The following MMD2 variants were observed in gnomAD, a reference collection of about 807,000 sequenced individuals.
MMD2 encodes the protein monocyte to macrophage differentiation factor 2.
Under a neutral mutation model 33.5 loss-of-function variants are expected in MMD2, and 30 were observed. The observed-to-expected ratio is 0.90, with a 90% CI of 0.67 to 1.22. MMD2 has a LOEUF of 1.22. Ranked by LOEUF, MMD2 falls within the 50% of genes most tolerant of loss-of-function variation. MMD2 has a pLI of 0.00. For synonymous variants in MMD2, 129 were observed against 123.0 expected, an observed-to-expected ratio of 1.05 and a Z score of -0.32; for missense variants, 364 against 325.4, an observed-to-expected ratio of 1.12 and a Z score of -0.91.
intron 1 of MMD2, among the ~76,000 whole-genome samples, chr7:4,944,760 C>CTTCTTTTTTT (rs753515128): frequency 1.3e-5 from 1 of 75,276 alleles, no homozygotes; most frequent in African/African-American, 5.8e-5. Context: ...TCTTCTTCTT[C>CTTCTTTTTTT]TTTTTTTTTT....
At chr7:4,947,517 C>T (rs1479193678) in intron 1 of MMD2, among the ~76,000 whole-genome samples, 5 of 150,894 alleles carry the variant, frequency 3.3e-5, no homozygotes, top group African/African-American at 7.3e-5. Context: ...CCTCAGCCTC[C>T]CGAGTATCTG....
intron 1 of MMD2, among the ~76,000 whole-genome samples, chr7:4,952,301 G>C (rs1165883079): frequency 1.3e-5 from 2 of 152,228 alleles, no homozygotes; most frequent in Non-Finnish European, 2.9e-5. Flanking sequence ...GGAAGGGTGG[G>C]CTGTGCCTGG....
chr7:4,920,978 A>AAGGATTGGGATTATAGGCGTG (rs1452234045), intron 2 of MMD2, among the ~76,000 whole-genome samples: 1 of 152,088 alleles, frequency 6.6e-6, no homozygotes, highest in Non-Finnish European at 1.5e-5. Context: ...TTGGCCTCCA[A>AAGGATTGGGATTATAGGCGTG]AGGATTGGGA....
At chr7:4,924,214 T>TAACAAC (rs373078646) in intron 2 of MMD2, among the ~76,000 whole-genome samples, 1 of 151,502 alleles carries the variant, frequency 6.6e-6, no homozygotes, top group Non-Finnish European at 1.5e-5. Flanking sequence ...AACAAAACAA[T>TAACAAC]AACAACAACA....
At position 4,914,047 on chromosome 7, in the gene MMD2, A is replaced by G. The variant is rs1583360409; in HGVS notation, c.365+1958T>C. Among the ~76,000 whole-genome samples, 4 of 152,256 alleles carry G rather than the reference A, an allele frequency of 2.6e-5. No homozygotes were observed. The South Asian group carries it at 8.3e-4, about 32-fold the overall frequency. ...CTCTCCCAGGCTGGAGTGCAGTGGCACAATCATAGCTCACTGCAGCCTTGA... is the reference window on the plus strand; with the variant it reads ...CTCTCCCAGGCTGGAGTGCAGTGGCGCAATCATAGCTCACTGCAGCCTTGA... On this transcript the variant is annotated intron_variant, in intron 4 of 6. Coordinates refer to ENST00000401401, the MANE Select transcript of MMD2 (RefSeq NM_198403.4).
intron 3 of MMD2, among the ~76,000 whole-genome samples, chr7:4,918,961 A>T: frequency 6.6e-6 from 1 of 151,614 alleles, no homozygotes; most frequent in Non-Finnish European, 1.5e-5. Flanking sequence ...TAGCTAGATG[A>T]GGTGGTGCAT....
chr7:4,896,681 C>T, the MMD2 span, among the ~76,000 whole-genome samples: 7 of 151,996 alleles, frequency 4.6e-5, no homozygotes, highest in South Asian at 2.1e-4. Context: ...GACTATTGTT[C>T]GAAGCCACTA....
chr7:4,926,654 C>T (rs1008392335), intron 1 of MMD2, among the ~76,000 whole-genome samples: 2 of 152,158 alleles, frequency 1.3e-5, no homozygotes, highest in Non-Finnish European at 2.9e-5. Context: ...CCGCAGAACA[C>T]GCTGTTTTCT....
At position 4,911,202 on chromosome 7, in the gene MMD2, C is replaced by G; in HGVS notation, c.410G>C (p.Trp137Ser). Residue 137 changes from tryptophan to serine, a missense_variant, in exon 5 of 7, where the codon TGG (tryptophan) becomes TCG (serine). Coordinates refer to ENST00000401401, the MANE Select transcript of MMD2 (RefSeq NM_198403.4). ...ELGPWASHMRWLVWIMASVGT... is the reference protein window; with the variant it reads ...ELGPWASHMRSLVWIMASVGT... ...CACGGAAGCCATAATCCAGACCAGC[C>G]AGCGCATGTGGGAGGCCCAGGGGCC... The G allele has an allele frequency of 6.2e-7, 1 of 1,602,760 alleles. No homozygotes were observed. Among genetic ancestry groups the G allele is most frequent in the South Asian group, 1.1e-5 (1 of 88,636 alleles).
Position 4,928,252 on chromosome 7 carries a change from G to C in MMD2, c.48-2720C>G, listed in dbSNP as rs534306949. ...AATGAGTGTATGGTTCAGGACAAAT[G>C]ACTCCATGCAGTATATATGGGTCAC... On this transcript the variant is annotated intron_variant, in intron 1 of 6. Transcript: ENST00000401401. 3.9e-5 allele frequency among the ~76,000 whole-genome samples: 6 copies of C among 152,304 alleles called. No individual in the cohort carries two copies. The South Asian group carries it at 1.0e-3, about 26-fold the overall frequency.
rs1178385316 is a variant in MMD2 at position 4,946,737 on chromosome 7, C to T, written c.47+12234G>A. On this transcript the variant is annotated intron_variant, in intron 1 of 6. Coordinates refer to ENST00000401401, the MANE Select transcript of MMD2 (RefSeq NM_198403.4). The surrounding 1 kb of genome is among the most constrained non-coding windows in gnomAD (Gnocchi z 5.0). ...CCTATAATCCTCCTGGCCTTTCTTCCTTCTTATTTTTAGAGACAGGGTCTG... is the reference window on the plus strand; with the variant it reads ...CCTATAATCCTCCTGGCCTTTCTTCTTTCTTATTTTTAGAGACAGGGTCTG... Among the ~76,000 whole-genome samples the T allele has an allele frequency of 6.6e-6, 1 of 152,070 alleles. No individual in the cohort carries two copies. Among genetic ancestry groups the T allele is most frequent in the Non-Finnish European group, 1.5e-5 (1 of 68,014 alleles).
At chr7:4,911,068 C>T (rs756990695) in intron 5 of MMD2, 77 bp downstream of exon 5, 94 of 1,237,754 alleles carry the variant, frequency 7.6e-5, no homozygotes, top group Non-Finnish European at 1.0e-4. Flanking sequence ...CCTGGACTCT[C>T]GGCAGCCCAG....
intron 1 of MMD2, among the ~76,000 whole-genome samples, chr7:4,937,319 T>A (rs1024290905): frequency 2.6e-5 from 4 of 151,042 alleles, no homozygotes; most frequent in Admixed American, 2.6e-4. Flanking sequence ...ATCACTTGAA[T>A]CCGGGAGGTG....
rs773001297 is a variant in MMD2 at position 4,907,595 on chromosome 7, T to C, written c.542A>G (p.Asn181Ser). The change falls in exon 7 of 7, where the codon AAC (asparagine) becomes AGC (serine). Residue 181 changes from asparagine to serine, a missense_variant. Physicochemically the swap from Asn to Ser is conservative, Grantham distance 46. Coordinates refer to ENST00000401401, the MANE Select transcript of MMD2 (RefSeq NM_198403.4). ...FPALVILSMPNTEGIWELVTG... is the reference protein window; with the variant it reads ...FPALVILSMPSTEGIWELVTG... ...CACCAGCTCCCAGATGCCCTCGGTGTTGGGCTGTCGGCAAGGACAAGGGTG... is the reference window on the plus strand; with the variant it reads ...CACCAGCTCCCAGATGCCCTCGGTGCTGGGCTGTCGGCAAGGACAAGGGTG... 3.1e-6 allele frequency: 5 copies of C among 1,612,084 alleles called. No individual in the cohort carries two copies. In the East Asian group the frequency reaches 1.1e-4, roughly 36 times the overall value.
chr7:4,941,045 T>C (rs1307069450), intron 1 of MMD2, among the ~76,000 whole-genome samples: 3 of 152,132 alleles, frequency 2.0e-5, no homozygotes, highest in Non-Finnish European at 2.9e-5. Flanking sequence ...GCCATGGTCA[T>C]CGCTGGCTGC....
chr7:4,902,389 C>T (rs550582083), downstream of MMD2, among the ~76,000 whole-genome samples: 69 of 152,366 alleles, frequency 4.5e-4, no homozygotes, highest in Non-Finnish European at 8.4e-4. Context: ...CTGGCTTCAA[C>T]GCTTTGCTCC....
intron 1 of MMD2, among the ~76,000 whole-genome samples, chr7:4,945,456 C>T (rs755358187): frequency 9.9e-5 from 15 of 151,116 alleles, no homozygotes; most frequent in African/African-American, 2.7e-4. Context: ...TTAGTAGCGA[C>T]GGGGTTTCAC....
At chr7:4,903,003 C>A (rs192018748), downstream of MMD2, among the ~76,000 whole-genome samples, 1 of 152,140 alleles carries the variant, frequency 6.6e-6, no homozygotes, top group African/African-American at 2.4e-5. Context: ...TTTGTGCGGC[C>A]GAGGCGGGCA....
chr7:4,957,454 C>T (rs1472745692), intron 1 of MMD2, among the ~76,000 whole-genome samples: 1 of 100,404 alleles, frequency 1.0e-5, no homozygotes, highest in Non-Finnish European at 2.1e-5. Context: ...TGAGACCATC[C>T]TGGCTAACGC....
Sources: allele counts gnomAD v4.1 joint callset (sites outside exome capture counted in the v4.1 genomes callset), GRCh38; gene constraint gnomAD v4.1.1; non-coding constraint Gnocchi (gnomAD v3.1); transcripts MANE v1.5; gene names NCBI Gene and HGNC (gene_info 2026-07-23, HGNC 2026-07-21).